Variants in SHC4 observed in about 807,000 individuals in gnomAD.
SHC4 encodes the protein SHC-transforming protein 4.
In SHC4, 41 loss-of-function variants were observed where a neutral mutation model predicts 69.4. The ratio of observed to expected loss-of-function variants is 0.59; its 90% CI spans 0.46 to 0.77. SHC4 has a LOEUF of 0.77. Among genes scored for constraint, SHC4 ranks in the 30% least tolerant of loss-of-function variants. SHC4 has a pLI of 0.00. For missense variants in SHC4, 777 were observed against 783.8 expected (o/e 0.99, Z 0.10); for synonymous variants, 318 against 299.3 (o/e 1.06, Z -0.64).
rs1899330051 is a variant in SHC4 at position 48,856,926 on chromosome 15, C to T, written c.1070+766G>A. On this transcript the variant is annotated intron_variant, in intron 7 of 11. Coordinates refer to ENST00000332408, the MANE Select transcript of SHC4 (RefSeq NM_203349.4). ...TCCTGGGAAAAATTCAGCATCAAGGCCTCCTGGTAACACCCTCTCCTTTGC... is the reference window on the plus strand; with the variant it reads ...TCCTGGGAAAAATTCAGCATCAAGGTCTCCTGGTAACACCCTCTCCTTTGC... 2.6e-5 allele frequency among the ~76,000 whole-genome samples: 4 copies of T among 152,124 alleles called. No individual in the cohort carries two copies. In the South Asian group the frequency reaches 8.3e-4, roughly 32 times the overall value.
intron 1 of SHC4, among the ~76,000 whole-genome samples, chr15:48,936,274 A>C (rs1901068680): frequency 6.6e-6 from 1 of 152,186 alleles, no homozygotes; most frequent in Non-Finnish European, 1.5e-5. Context: ...CAACCAGGAA[A>C]TTTCAACCCT....
intron 1 of SHC4, among the ~76,000 whole-genome samples, chr15:48,949,426 A>T (rs1901330667): frequency 6.6e-6 from 1 of 151,796 alleles, no homozygotes; most frequent in Admixed American, 6.6e-5. Flanking sequence ...CTCTTCATCA[A>T]ATTATTCTTC....
chr15:48,881,107 A>C (rs1348288495), intron 4 of SHC4, among the ~76,000 whole-genome samples: 1 of 151,772 alleles, frequency 6.6e-6, no homozygotes, highest in Non-Finnish European at 1.5e-5. Flanking sequence ...TTTTGAGTAC[A>C]CGGTGTGATT....
chr15:48,855,962 C>T lies in SHC4; in HGVS notation c.1233G>A (p.Leu411=). The stretch of plus-strand genomic sequence containing the variant: ...ATAAAACATTACATACCAAATAGCA[C>T]AACTTTTCACACTGTATGGGGCAGT... ...MAYCPIQCEK[L]CYLPGNSKCS... is the part of the protein sequence containing the mutation. Residue 411 remains leucine (L), a synonymous_variant, in exon 8 of 12, where the codon TTG becomes TTA. Coordinates refer to ENST00000332408, the MANE Select transcript of SHC4 (RefSeq NM_203349.4). The T allele has an allele frequency of 1.2e-6, 2 of 1,608,612 alleles. No individual in the cohort carries two copies. Among genetic ancestry groups the T allele is most frequent in the Non-Finnish European group, 1.7e-6 (2 of 1,177,444 alleles).
intron 11 of SHC4, among the ~76,000 whole-genome samples, chr15:48,830,574 G>A (rs529879229): frequency 6.6e-6 from 1 of 152,108 alleles, no homozygotes; most frequent in Non-Finnish European, 1.5e-5. Flanking sequence ...TGAAGAGGAG[G>A]CAAAAGGAAA....
intron 2 of SHC4, among the ~76,000 whole-genome samples, chr15:48,906,277 T>C (rs929606092): frequency 5.3e-5 from 8 of 152,194 alleles, no homozygotes; most frequent in African/African-American, 1.9e-4. Context: ...TGATTAACAA[T>C]TTTGCAAATA....
intron 2 of SHC4, among the ~76,000 whole-genome samples, chr15:48,916,211 T>C (rs918991346): frequency 1.3e-5 from 2 of 151,884 alleles, no homozygotes; most frequent in Non-Finnish European, 2.9e-5. Context: ...GAAAACCACA[T>C]GTACAGGACT....
intron 1 of SHC4, among the ~76,000 whole-genome samples, chr15:48,959,170 G>A (rs11070670): frequency 0.39 from 58,954 of 152,066 alleles, 11,739 homozygotes; most frequent in East Asian, 0.57. Flanking sequence ...AAAGTAAAGA[G>A]TAGCTATAAC....
intron 8 of SHC4, 126 bp from the exon 9 acceptor site, chr15:48,851,374 A>G: frequency 1.1e-6 from 1 of 870,744 alleles, no homozygotes; most frequent in Non-Finnish European, 1.8e-6. Flanking sequence ...GAAATGTTTG[A>G]CAGGTAAGAA....
At chr15:48,833,748 C>T (rs1898851247) in intron 11 of SHC4, among the ~76,000 whole-genome samples, 3 of 152,200 alleles carry the variant, frequency 2.0e-5, no homozygotes, top group Admixed American at 2.0e-4. Flanking sequence ...TTCCCCCATT[C>T]CCCCAAGGGA....
In SHC4 at chr15:48,846,100, G is replaced by C. The variant is rs114808525; in HGVS notation, c.1304-2512C>G. The stretch of plus-strand genomic sequence containing the variant: ...TGCAGCCTCGAACTCCTAGGTTAAA[G>C]TGATCCTCCTGCCTCAGCCTCCGGA... On this transcript the variant is annotated intron_variant, in intron 9 of 11. Transcript: ENST00000332408. Among the ~76,000 whole-genome samples the C allele has an allele frequency of 3.0e-3, 452 of 152,112 alleles. 1 individual carries two copies. The highest frequency in any genetic ancestry group is 0.011 in the African/African-American group (445 of 41,488).
chr15:48,850,578 TA>T (rs1213376342), intron 9 of SHC4, among the ~76,000 whole-genome samples: 2 of 152,204 alleles, frequency 1.3e-5, no homozygotes, highest in East Asian at 1.9e-4. Flanking sequence ...GCTCAACAAC[TA>T]ATGGGAATTA....
chr15:48,852,128 A>G (rs1317888721), intron 8 of SHC4, among the ~76,000 whole-genome samples: 1 of 152,190 alleles, frequency 6.6e-6, no homozygotes, highest in Non-Finnish European at 1.5e-5. Flanking sequence ...TAGATAAGCA[A>G]TGTAGTGCAA....
chr15:48,927,683 T>G lies in SHC4; in HGVS notation c.586-2734A>C, dbSNP rs963624922. Among the ~76,000 whole-genome samples the G allele has an allele frequency of 1.6e-4, 24 of 152,254 alleles. 1 individual carries two copies. Among genetic ancestry groups the G allele is most frequent in the Admixed American group, 1.4e-3 (21 of 15,296 alleles). On this transcript the variant is annotated intron_variant, in intron 1 of 11. Coordinates refer to ENST00000332408, the MANE Select transcript of SHC4 (RefSeq NM_203349.4). ...TACACACTTTGCTGCCACATTGGCCTCCTTTCTACTCCTCAAATACACCCC... is the reference window on the plus strand; with the variant it reads ...TACACACTTTGCTGCCACATTGGCCGCCTTTCTACTCCTCAAATACACCCC...
intron 10 of SHC4, 84 bp from the exon 11 acceptor site, chr15:48,835,106 C>A: frequency 1.4e-6 from 2 of 1,465,930 alleles, no homozygotes; most frequent in East Asian, 2.4e-5. Context: ...GTAAATATAA[C>A]CTGAGGTCCT....
At chr15:48,934,581 A>G (rs75588147) in intron 1 of SHC4, among the ~76,000 whole-genome samples, 3,715 of 152,272 alleles carry the variant, frequency 0.024, 169 homozygotes, top group African/African-American at 0.085. Flanking sequence ...ATGACCCAGC[A>G]ATTCCACTCC....
At chr15:48,859,044 T>A (rs1366929459) in intron 6 of SHC4, among the ~76,000 whole-genome samples, 1 of 152,218 alleles carries the variant, frequency 6.6e-6, no homozygotes, top group African/African-American at 2.4e-5. Context: ...ACCGTCTTTA[T>A]GGACTGGTTT....
intron 1 of SHC4, among the ~76,000 whole-genome samples, chr15:48,956,343 G>C (rs1006458017): frequency 6.6e-6 from 1 of 152,144 alleles, no homozygotes; most frequent in African/African-American, 2.4e-5. Flanking sequence ...TGTCTCTCCA[G>C]GAGTCTCCTG....
intron 2 of SHC4, among the ~76,000 whole-genome samples, chr15:48,897,360 G>T (rs1900241447): frequency 6.6e-6 from 1 of 152,136 alleles, no homozygotes; most frequent in African/African-American, 2.4e-5. Flanking sequence ...ACCAAAAAAA[G>T]ATATTTTGTC....
Sources: allele counts gnomAD v4.1 joint callset (sites outside exome capture counted in the v4.1 genomes callset), GRCh38; gene constraint gnomAD v4.1.1; transcripts MANE v1.5; gene names NCBI Gene and HGNC (gene_info 2026-07-23, HGNC 2026-07-21).